Variants in NAT9 observed in about 807,000 individuals in gnomAD.
The protein encoded by NAT9 is N-acetyltransferase 9.
A neutral mutation model predicts 24.0 loss-of-function variants in NAT9; 18 were observed. The ratio of observed to expected loss-of-function variants is 0.75; its 90% CI spans 0.52 to 1.11. NAT9 has a LOEUF of 1.11. Among genes scored for constraint, NAT9 ranks in the 50% most tolerant of loss-of-function variants. The probability of loss-of-function intolerance (pLI) is 0.00; values close to 1 mark genes in which losing one functional copy is unlikely to be tolerated. For synonymous variants in NAT9, 104 were observed against 102.3 expected (o/e 1.02, Z -0.10); for missense variants, 254 against 258.6 (o/e 0.98, Z 0.12).
At position 74,771,783 on chromosome 17, in the gene NAT9, C is replaced by T. The variant is rs1200174651; in HGVS notation, c.565G>A (p.Glu189Lys). The change falls in exon 7 of 7, where the codon GAG becomes AAG. Residue 189 changes from glutamate (E) to lysine (K), a missense_variant. Glu to Lys is a moderately conservative substitution (Grantham distance 56, BLOSUM62 1). Coordinates refer to ENST00000357814, the MANE Select transcript of NAT9 (RefSeq NM_015654.5). ...VSESEHQWLL[E>K]QTSHVEEKPY... The stretch of plus-strand genomic sequence containing the variant: ...TTCTCTTCCACGTGGCTGGTCTGCT[C>T]CAGAAGCCACTGATGCTCGGACTCA... The T allele has an allele frequency of 1.9e-6, 3 of 1,614,096 alleles. No homozygotes were observed. The South Asian group carries it at 3.3e-5, about 18-fold the overall frequency.
rs553765458 is a variant in NAT9, at chr17:74,774,707, A to G, written c.77+915T>C. On this transcript the variant is annotated intron_variant, in intron 2 of 6. Transcript: ENST00000357814. ...TGGGACTACAGGCGCCCGCCACCAC[A>G]TCCGGCTAATTTTTTTGTATTTTTA... Among the ~76,000 whole-genome samples, 14 of 150,248 alleles carry G rather than the reference A, an allele frequency of 9.3e-5. 1 individual carries two copies. The highest frequency in any genetic ancestry group is 3.9e-4 in the East Asian group (2 of 5,114).
In NAT9 at chr17:74,772,202, G is replaced by A; in HGVS notation, c.394+16C>T. 6.2e-7 allele frequency: 1 copy of A among 1,614,210 alleles called. No homozygotes were observed. The highest frequency in any genetic ancestry group is 8.5e-7 in the Non-Finnish European group (1 of 1,180,042). ...GGCCTGCCCACTTCCCGCATTGTCT[G>A]CTCACACTTTCTTACCGTAAGACAG... On this transcript the variant is annotated intron_variant, in intron 5 of 6. Coordinates refer to ENST00000357814, the MANE Select transcript of NAT9 (RefSeq NM_015654.5).
chr17:74,771,764 T>A lies in NAT9; in HGVS notation c.584A>T (p.Glu195Val). Residue 195 changes from glutamate (E) to valine (V), a missense_variant, in exon 7 of 7, where the codon GAA (glutamate) becomes GTA (valine). Transcript: ENST00000357814. ...CGACCCATCTCTGTAAGGCTTCTCT[T>A]CCACGTGGCTGGTCTGCTCCAGAAG... ...QWLLEQTSHV[E>V]EKPYRDGSAE... is the part of the protein sequence containing the mutation. 1 of 1,614,074 alleles carries A rather than the reference T, an allele frequency of 6.2e-7. No individual in the cohort carries two copies.
chr17:74,772,870 G>A (rs199848210), intron 4 of NAT9, 26 bp downstream of exon 4: 122 of 1,613,230 alleles, frequency 7.6e-5, no homozygotes, highest in East Asian at 3.8e-4. Flanking sequence ...GGGAGTCAGC[G>A]GAAGGCAGGG....
intron 5 of NAT9, 38 bp from the exon 6 acceptor site, chr17:74,772,092 G>A (rs751576101): frequency 8.7e-6 from 14 of 1,613,854 alleles, no homozygotes; most frequent in Middle Eastern, 1.6e-4. Flanking sequence ...GTAAGGAGGC[G>A]CCTGCCCCCA....
Position 74,771,670 on chromosome 17 carries a change from T to C in NAT9, c.*54A>G. 2 of 1,605,626 alleles carry C rather than the reference T, an allele frequency of 1.2e-6. No individual in the cohort carries two copies. The highest frequency in any genetic ancestry group is 1.7e-6 in the Non-Finnish European group (2 of 1,176,184). Reference sequence around the variant, plus strand: ...CAGTGCAGGGCTCTGGTCTTTGAAGTGTATGGGCCCAACACCCTGCTCACA... The same window carrying C: ...CAGTGCAGGGCTCTGGTCTTTGAAGCGTATGGGCCCAACACCCTGCTCACA... On this transcript the variant is annotated 3_prime_UTR_variant, in exon 7 of 7. Transcript: ENST00000357814.
intron 2 of NAT9, 52 bp from the exon 3 acceptor site, chr17:74,773,740 T>C (rs1405856565): frequency 6.8e-7 from 1 of 1,466,142 alleles, no homozygotes; most frequent in African/African-American, 1.4e-5. Flanking sequence ...GAGGCATACG[T>C]CTGACACCTT....
intron 2 of NAT9, chr17:74,775,402 T>C: frequency 9.1e-6 from 4 of 441,978 alleles, no homozygotes; most frequent in Non-Finnish European, 1.6e-5. Context: ...TTACCCAAGC[T>C]GGTCTCGAAC....
intron 4 of NAT9, 110 bp from the exon 5 acceptor site, chr17:74,772,387 A>G (rs1343214301): frequency 1.3e-6 from 2 of 1,482,512 alleles, no homozygotes; most frequent in East Asian, 2.5e-5. Context: ...TGCTACTATC[A>G]TTACCATTCT....
rs751026899 is a variant in NAT9 at position 74,772,274 on chromosome 17, G to C, written c.338C>G (p.Pro113Arg). The change falls in exon 5 of 7, where the codon CCC (proline) becomes CGC (arginine). Residue 113 changes from proline (P) to arginine (R), a missense_variant. Physicochemically the swap from Pro to Arg is moderately radical, Grantham distance 103. Coordinates refer to ENST00000357814, the MANE Select transcript of NAT9 (RefSeq NM_015654.5). ...GCCAAGGCCCTTACCCCTGCAGCTG[G>C]GCTCTAGGAGAGACAACAGGAGCGG... is the stretch of plus-strand genomic sequence containing the variant. ...LGEIEVMIAE[P>R]SCRGKGLGTE... 1.5e-5 allele frequency: 24 copies of C among 1,613,924 alleles called. No individual in the cohort carries two copies. Among genetic ancestry groups the C allele is most frequent in the East Asian group, 1.1e-4 (5 of 44,906 alleles).
At chr17:74,773,081 GGA>G in intron 3 of NAT9, 42 bp from the exon 4 acceptor site, 1 of 1,604,326 alleles carries the variant, frequency 6.2e-7, no homozygotes. Flanking sequence ...ACTCCCCAGA[GGA>G]GAGAAGAGAG....
At chr17:74,773,765 C>T in intron 2 of NAT9, 77 bp from the exon 3 acceptor site, 1 of 1,230,026 alleles carries the variant, frequency 8.1e-7, no homozygotes, top group South Asian at 1.2e-5. Flanking sequence ...GGGTCCAGAA[C>T]CAGACAGGGC....
intron 2 of NAT9, among the ~76,000 whole-genome samples, chr17:74,774,523 G>A (rs2035694584): frequency 6.6e-6 from 1 of 150,588 alleles, no homozygotes; most frequent in African/African-American, 2.4e-5. Flanking sequence ...TTAGAGACGG[G>A]GTTTCTCCAC....
intron 2 of NAT9, 169 bp downstream of exon 2, chr17:74,775,453 T>G: frequency 5.6e-6 from 3 of 539,462 alleles, no homozygotes; most frequent in South Asian, 6.2e-5. Flanking sequence ...CCTCCCAAAG[T>G]CCTGGAATTA....
At chr17:74,773,845 C>G (rs2035580672) in intron 2 of NAT9, 157 bp from the exon 3 acceptor site, 1 of 608,236 alleles carries the variant, frequency 1.6e-6, no homozygotes, top group Non-Finnish European at 3.0e-6. Flanking sequence ...GACACAAGAC[C>G]CAGAAGCAAG....
chr17:74,771,967 A>T lies in NAT9; in HGVS notation c.482T>A (p.Phe161Tyr). ...PSIRMFQKLHFEQVATSSVFQ... is the reference protein window; with the variant it reads ...PSIRMFQKLHYEQVATSSVFQ... ...GCCCCAGGACATCCTTACCTGCTCA[A>T]AGTGAAGTTTCTGGAACATCCGGAT... is the stretch of plus-strand genomic sequence containing the variant. Residue 161 changes from phenylalanine to tyrosine, a missense_variant, in exon 6 of 7, where the codon TTT becomes TAT. Transcript: ENST00000357814. 6.2e-7 allele frequency: 1 copy of T among 1,614,184 alleles called. No homozygotes were observed. Among genetic ancestry groups the T allele is most frequent in the Non-Finnish European group, 8.5e-7 (1 of 1,180,020 alleles).
In NAT9 at chr17:74,771,675, G is replaced by T. The variant is rs751573603; in HGVS notation, c.*49C>A. The T allele has an allele frequency of 2.5e-6, 4 of 1,609,330 alleles. No individual in the cohort carries two copies. In the South Asian group the frequency reaches 4.4e-5, roughly 18 times the overall value. On this transcript the variant is annotated 3_prime_UTR_variant, in exon 7 of 7. Transcript: ENST00000357814. ...CAGGGCTCTGGTCTTTGAAGTGTAT[G>T]GGCCCAACACCCTGCTCACACAGAG... is the stretch of plus-strand genomic sequence containing the variant.
At chr17:74,773,172 G>T in intron 3 of NAT9, 133 bp from the exon 4 acceptor site, 1 of 1,116,674 alleles carries the variant, frequency 9.0e-7, no homozygotes, top group Non-Finnish European at 1.2e-6. Context: ...GGGTCCCAGA[G>T]CTTCCTTCAG....
chr17:74,773,779 C>A, intron 2 of NAT9, 91 bp from the exon 3 acceptor site: 1 of 1,100,976 alleles, frequency 9.1e-7, no homozygotes, highest in Non-Finnish European at 1.4e-6. Flanking sequence ...ACAGGGCTAA[C>A]ATAGGGCTCA....
Sources: allele counts gnomAD v4.1 joint callset (sites outside exome capture counted in the v4.1 genomes callset), GRCh38; gene constraint gnomAD v4.1.1; transcripts MANE v1.5; gene names NCBI Gene and HGNC (gene_info 2026-07-23, HGNC 2026-07-21).